DYNC2H1: variants seen among roughly 807,000 people sequenced by gnomAD.
DYNC2H1 encodes dynein cytoplasmic 2 heavy chain 1, also known as cytoplasmic dynein 2 heavy chain 1.
DYNC2H1 carries 410 observed loss-of-function variants against 570.0 expected under a neutral mutation model. That is an observed-to-expected ratio of 0.72 (90% CI 0.66 to 0.78). The LOEUF (loss-of-function observed/expected upper bound fraction) is 0.78, where lower values mean the gene tolerates loss of function less well. Ranked by LOEUF, DYNC2H1 falls within the 30% of genes least tolerant of loss-of-function variation. DYNC2H1 has a pLI of 0.00. For missense variants in DYNC2H1, 4,865 were observed against 5,046.4 expected (o/e 0.96, Z 1.09); for synonymous variants, 1,688 against 1,677.6 (o/e 1.01, Z -0.15).
Position 103,231,750 on chromosome 11 carries a change from T to C in DYNC2H1, c.9440+404T>C, listed in dbSNP as rs542176589. On this transcript the variant is annotated intron_variant, in intron 60 of 88. Coordinates refer to ENST00000375735, the MANE Select transcript of DYNC2H1 (RefSeq NM_001377.3). ...TTTAATACAGTGTATGTTGAAGTGA[T>C]GTATCATACTTCCTTTTTTAATGGA... 3.9e-4 allele frequency among the ~76,000 whole-genome samples: 60 copies of C among 152,208 alleles called. No individual in the cohort carries two copies. The Middle Eastern group carries it at 0.02, about 52-fold the overall frequency.
chr11:103,270,982 T>C (rs1273972844), intron 70 of DYNC2H1, among the ~76,000 whole-genome samples: 2 of 152,204 alleles, frequency 1.3e-5, no homozygotes, highest in African/African-American at 4.8e-5. Context: ...GAAATTGTTT[T>C]CATGCAAACT....
Position 103,244,413 on chromosome 11 carries a change from C to A in DYNC2H1, c.9918+622C>A, listed in dbSNP as rs555061038. Among the ~76,000 whole-genome samples the A allele has an allele frequency of 2.4e-4, 37 of 151,464 alleles. No individual in the cohort carries two copies. In the Middle Eastern group the frequency reaches 0.017, roughly 72 times the overall value. On this transcript the variant is annotated intron_variant, in intron 64 of 88. Coordinates refer to ENST00000375735, the MANE Select transcript of DYNC2H1 (RefSeq NM_001377.3). The surrounding 1 kb of genome is among the most constrained non-coding windows in gnomAD (Gnocchi z 4.3). ...TTTCATAGATAATTTTCAGGTGTTTCAAAAATTACCTCTAAAAGTTACTTT... is the reference window on the plus strand; with the variant it reads ...TTTCATAGATAATTTTCAGGTGTTTAAAAAATTACCTCTAAAAGTTACTTT...
rs563626156 is a variant in DYNC2H1, at chr11:103,121,402, G to A, written c.1391G>A (p.Arg464Gln). The change falls in exon 10 of 89, where the codon CGA becomes CAA. Residue 464 changes from arginine (R) to glutamine (Q), a missense_variant. By Grantham distance (43) the Arg-to-Gln change is conservative. Around this residue, in one of 5 missense-constraint regions of DYNC2H1, gnomAD observed 1,936 missense variants for 1,962.1 expected, o/e 0.99. Transcript: ENST00000375735. ...CGATTAGACTTTGAGAATCGGTGCC[G>A]AGGAATTCCTGGTGATGCATCTGGA... is the stretch of plus-strand genomic sequence containing the variant. ...DFRLDFENRC[R>Q]GIPGDASGPL... 32 of 1,612,348 alleles carry A rather than the reference G, an allele frequency of 2.0e-5. No individual in the cohort carries two copies. The Admixed American group carries it at 3.7e-4, about 19-fold the overall frequency.
At chr11:103,347,973 G>A (rs17100474) in intron 82 of DYNC2H1, among the ~76,000 whole-genome samples, 22,983 of 152,112 alleles carry the variant, frequency 0.15, 1,875 homozygotes, top group Admixed American at 0.25. Flanking sequence ...AAAGGAAGTC[G>A]GTGATTGCCT....
At chr11:103,450,684 AAG>A (rs2135792418) in intron 85 of DYNC2H1, among the ~76,000 whole-genome samples, 1 of 152,348 alleles carries the variant, frequency 6.6e-6, no homozygotes, top group African/African-American at 2.4e-5. Context: ...GCACATTGAG[AAG>A]AATGATCGCT....
intron 18 of DYNC2H1, among the ~76,000 whole-genome samples, chr11:103,146,488 A>C (rs1860247340): frequency 6.6e-6 from 1 of 152,238 alleles, no homozygotes; most frequent in African/African-American, 2.4e-5. Context: ...CATTTGTTTT[A>C]TAAATTGTTT....
chr11:103,300,763 C>G (rs1284728321), intron 75 of DYNC2H1, among the ~76,000 whole-genome samples: 1 of 151,748 alleles, frequency 6.6e-6, no homozygotes, highest in Admixed American at 6.6e-5. Context: ...GTGAAAGATT[C>G]AGTATGATTC....
chr11:103,270,692 A>G (rs957775406), intron 70 of DYNC2H1, among the ~76,000 whole-genome samples: 1 of 152,152 alleles, frequency 6.6e-6, no homozygotes, highest in African/African-American at 2.4e-5. Context: ...GACAGGTAGC[A>G]TATATGGCAT....
At chr11:103,378,954 G>GT (rs1941521187) in intron 83 of DYNC2H1, among the ~76,000 whole-genome samples, 1 of 152,212 alleles carries the variant, frequency 6.6e-6, no homozygotes, top group Non-Finnish European at 1.5e-5. Context: ...TTAAGTGTAT[G>GT]TTTTTTTGTT....
chr11:103,147,517 AC>A (rs950313179), intron 18 of DYNC2H1, among the ~76,000 whole-genome samples: 1 of 152,106 alleles, frequency 6.6e-6, no homozygotes, highest in East Asian at 1.9e-4. Context: ...ATAACATACC[AC>A]CTTTTTTTGA....
intron 84 of DYNC2H1, among the ~76,000 whole-genome samples, chr11:103,425,285 G>A (rs1406925894): frequency 6.6e-6 from 1 of 152,122 alleles, no homozygotes. Flanking sequence ...AATTTTGATA[G>A]ACTGGGTGGC....
chr11:103,432,185 G>A (rs1002831258), intron 84 of DYNC2H1, among the ~76,000 whole-genome samples: 7 of 152,046 alleles, frequency 4.6e-5, no homozygotes, highest in African/African-American at 7.2e-5. Flanking sequence ...ATCACAATCC[G>A]ACTGACAAAT....
chr11:103,347,977 A>T (rs1008172193), intron 82 of DYNC2H1, among the ~76,000 whole-genome samples: 2 of 152,142 alleles, frequency 1.3e-5, no homozygotes, highest in African/African-American at 4.8e-5. Flanking sequence ...GAAGTCGGTG[A>T]TTGCCTAGTG....
intron 84 of DYNC2H1, chr11:103,402,474 G>A (rs568669948): frequency 3.8e-4 from 58 of 152,244 alleles, no homozygotes; most frequent in African/African-American, 1.3e-3. Flanking sequence ...GAGTCATAGA[G>A]TTGAAGTGAA....
intron 85 of DYNC2H1, among the ~76,000 whole-genome samples, chr11:103,453,026 C>T (rs1328324105): frequency 6.6e-6 from 1 of 151,992 alleles, no homozygotes. Context: ...GTATAATATT[C>T]AAGAAATTGC....
At position 103,369,720 on chromosome 11, in the gene DYNC2H1, G is replaced by A. The variant is rs1054364663; in HGVS notation, c.12156+11361G>A. On this transcript the variant is annotated intron_variant, in intron 83 of 88. Coordinates refer to ENST00000375735, the MANE Select transcript of DYNC2H1 (RefSeq NM_001377.3). The surrounding 1 kb of genome is among the most constrained non-coding windows in gnomAD (Gnocchi z 4.0). ...TCGTAGACACTCACTGCATCAGAAA[G>A]CAACCTGCTGCCTTGAAGGGAAGTA... Among the ~76,000 whole-genome samples the A allele has an allele frequency of 6.6e-6, 1 of 152,156 alleles. No individual in the cohort carries two copies. Among genetic ancestry groups the A allele is most frequent in the Non-Finnish European group, 1.5e-5 (1 of 68,006 alleles).
At chr11:103,383,807 G>A (rs1040559908) in intron 83 of DYNC2H1, among the ~76,000 whole-genome samples, 4 of 152,030 alleles carry the variant, frequency 2.6e-5, no homozygotes, top group African/African-American at 4.8e-5. Flanking sequence ...AAGCACTGAA[G>A]GCTATATTAC....
intron 84 of DYNC2H1, among the ~76,000 whole-genome samples, chr11:103,430,728 G>A (rs1392272422): frequency 9.8e-6 from 1 of 102,464 alleles, no homozygotes; most frequent in Non-Finnish European, 1.9e-5. Flanking sequence ...TCCTTTCCCT[G>A]CTGTCTTTAC....
rs550840954 is a variant in DYNC2H1 at position 103,416,690 on chromosome 11, C to G, written c.12366+16818C>G. Among the ~76,000 whole-genome samples, 4 of 151,780 alleles carry G rather than the reference C, an allele frequency of 2.6e-5. No homozygotes were observed. The South Asian group carries it at 8.3e-4, about 32-fold the overall frequency. On this transcript the variant is annotated intron_variant, in intron 84 of 88. Coordinates refer to ENST00000375735, the MANE Select transcript of DYNC2H1 (RefSeq NM_001377.3). Reference sequence around the variant, plus strand: ...GGGTTAAAAACTTCAATGTAAAACCCAGAACCTAGGCAATACCATTCAGGA... The same window carrying G: ...GGGTTAAAAACTTCAATGTAAAACCGAGAACCTAGGCAATACCATTCAGGA...
Sources: allele counts gnomAD v4.1 joint callset (sites outside exome capture counted in the v4.1 genomes callset), GRCh38; gene constraint gnomAD v4.1.1; regional missense constraint gnomAD v4.1.1; non-coding constraint Gnocchi (gnomAD v3.1); transcripts MANE v1.5; gene names NCBI Gene and HGNC (gene_info 2026-07-23, HGNC 2026-07-21).